HS2ST1: variants seen among roughly 807,000 people sequenced by gnomAD.
HS2ST1 encodes heparan sulfate 2-O-sulfotransferase 1, also known as 2-O-sulfotransferase.
HS2ST1 carries 18 observed loss-of-function variants against 42.9 expected under a neutral mutation model. That is an observed-to-expected ratio of 0.42 (90% CI 0.29 to 0.62). HS2ST1 has a LOEUF of 0.62. HS2ST1 is among the 20% of genes least tolerant of loss of function. The pLI is 0.21. For synonymous variants in HS2ST1, 146 were observed against 152.9 expected (o/e 0.95, Z 0.33); for missense variants, 334 against 433.8 (o/e 0.77, Z 2.04).
chr1:87,038,739 T>C (rs1650446255), intron 1 of HS2ST1, among the ~76,000 whole-genome samples: 1 of 152,150 alleles, frequency 6.6e-6, no homozygotes, highest in Non-Finnish European at 1.5e-5. Flanking sequence ...AACTTACATA[T>C]ACGTGAAGTG....
chr1:87,096,117 T>C lies in HS2ST1; in HGVS notation c.589-1721T>C, dbSNP rs372506636. Among the ~76,000 whole-genome samples, 24 of 152,282 alleles carry C rather than the reference T, an allele frequency of 1.6e-4. No individual in the cohort carries two copies. In the South Asian group the frequency reaches 3.5e-3, roughly 22 times the overall value. ...GAGGAAATCCAGCTTCACACAGATA[T>C]ATAATTAGAAAAGAGAGGATTTTAA... On this transcript the variant is annotated intron_variant, in intron 4 of 6. Coordinates refer to ENST00000370550, the MANE Select transcript of HS2ST1 (RefSeq NM_012262.4).
At chr1:86,954,974 T>C (rs1171418501) in intron 1 of HS2ST1, among the ~76,000 whole-genome samples, 1 of 152,134 alleles carries the variant, frequency 6.6e-6, no homozygotes, top group African/African-American at 2.4e-5. Flanking sequence ...GGCTCATCCC[T>C]GTAGTCCCAG....
chr1:87,019,895 A>G (rs535532993), intron 1 of HS2ST1, among the ~76,000 whole-genome samples: 1 of 152,354 alleles, frequency 6.6e-6, no homozygotes, highest in South Asian at 2.1e-4. Context: ...TGTGCTGTCA[A>G]CAATAAAAAC....
chr1:86,982,395 C>T (rs190162039), intron 1 of HS2ST1, among the ~76,000 whole-genome samples: 5 of 152,326 alleles, frequency 3.3e-5, no homozygotes, highest in East Asian at 3.9e-4. Context: ...TCTTTTCTAC[C>T]ACAAGTCAGG....
intron 1 of HS2ST1, among the ~76,000 whole-genome samples, chr1:87,008,265 AG>A (rs1283864351): frequency 2.0e-5 from 3 of 152,202 alleles, no homozygotes; most frequent in African/African-American, 7.2e-5. Context: ...AGAAAAGTCC[AG>A]TAGGTTATAC....
intron 1 of HS2ST1, among the ~76,000 whole-genome samples, chr1:87,068,864 A>T (rs190868081): frequency 1.3e-5 from 2 of 151,740 alleles, no homozygotes; most frequent in Non-Finnish European, 2.9e-5. Context: ...TTTATTTAAA[A>T]TTTTTTTTTA....
chr1:87,056,925 AAG>A (rs1553141027), intron 1 of HS2ST1, among the ~76,000 whole-genome samples: 1 of 152,176 alleles, frequency 6.6e-6, no homozygotes, highest in Non-Finnish European at 1.5e-5. Flanking sequence ...AGAATTGAAA[AAG>A]AATATTTCCA....
intron 1 of HS2ST1, among the ~76,000 whole-genome samples, chr1:86,929,374 G>T (rs887371241): frequency 6.6e-6 from 1 of 151,774 alleles, no homozygotes; most frequent in Non-Finnish European, 1.5e-5. Flanking sequence ...ATGAGTTATA[G>T]ATTTGACATT....
At chr1:87,027,885 T>C (rs1466294612) in intron 1 of HS2ST1, among the ~76,000 whole-genome samples, 2 of 152,196 alleles carry the variant, frequency 1.3e-5, no homozygotes, top group Non-Finnish European at 2.9e-5. Flanking sequence ...AGATGGGGTT[T>C]CACCATGTTG....
intron 2 of HS2ST1, among the ~76,000 whole-genome samples, chr1:87,076,993 T>C (rs1469988464): frequency 1.3e-5 from 2 of 152,216 alleles, no homozygotes; most frequent in Non-Finnish European, 2.9e-5. Flanking sequence ...AGCAGCACTT[T>C]AGATGAATTT....
chr1:87,003,381 T>C (rs1011630968), intron 1 of HS2ST1, among the ~76,000 whole-genome samples: 14 of 152,210 alleles, frequency 9.2e-5, no homozygotes, highest in African/African-American at 2.7e-4. Flanking sequence ...TAAAAAATAA[T>C]TTTTGAATGT....
intron 1 of HS2ST1, chr1:87,046,668 G>T: frequency 1.3e-6 from 2 of 1,500,436 alleles, no homozygotes; most frequent in South Asian, 1.3e-5. Context: ...CCCCAGTTAG[G>T]CCTGAAAGAC....
At chr1:87,066,554 A>T (rs999808033) in intron 1 of HS2ST1, among the ~76,000 whole-genome samples, 5 of 152,114 alleles carry the variant, frequency 3.3e-5, no homozygotes, top group African/African-American at 9.7e-5. Context: ...CAACTTTTTT[A>T]AAAAATTTTT....
intron 4 of HS2ST1, among the ~76,000 whole-genome samples, chr1:87,095,693 C>G (rs1652044840): frequency 6.6e-6 from 1 of 152,104 alleles, no homozygotes; most frequent in Non-Finnish European, 1.5e-5. Context: ...TCCTTTTATA[C>G]TCTTAAAAAT....
intron 1 of HS2ST1, among the ~76,000 whole-genome samples, chr1:86,940,083 G>A (rs1318649173): frequency 6.6e-6 from 1 of 152,036 alleles, no homozygotes. Context: ...ACTGAAATAG[G>A]CTTGGTACAG....
At chr1:86,981,216 T>A (rs1648582220) in intron 1 of HS2ST1, among the ~76,000 whole-genome samples, 1 of 152,146 alleles carries the variant, frequency 6.6e-6, no homozygotes, top group African/African-American at 2.4e-5. Context: ...CCTCAACATG[T>A]GGGGATTACA....
Position 87,037,884 on chromosome 1 carries a change from CAG to C in HS2ST1, c.125-35048_125-35047del, listed in dbSNP as rs1247382267. 6.6e-5 allele frequency among the ~76,000 whole-genome samples: 10 copies of C among 152,018 alleles called. No homozygotes were observed. The South Asian group carries it at 2.1e-3, about 31-fold the overall frequency. On this transcript the variant is annotated intron_variant, in intron 1 of 6. Transcript: ENST00000370550. ...GCATATATCTATAATATATCTCTAA[CAG>C]ATTTTAGATTGTCTGCAGTTATGAG...
intron 1 of HS2ST1, among the ~76,000 whole-genome samples, chr1:86,945,913 A>G (rs1647319362): frequency 6.6e-6 from 1 of 152,164 alleles, no homozygotes. Context: ...TATAAAAATA[A>G]AAATAAAATA....
intron 1 of HS2ST1, among the ~76,000 whole-genome samples, chr1:86,936,632 G>T (rs1660658132): frequency 6.6e-6 from 1 of 152,098 alleles, no homozygotes; most frequent in African/African-American, 2.4e-5. Flanking sequence ...ATTTGTTCAA[G>T]GTCACATAGT....
Sources: allele counts gnomAD v4.1 joint callset (sites outside exome capture counted in the v4.1 genomes callset), GRCh38; gene constraint gnomAD v4.1.1; transcripts MANE v1.5; gene names NCBI Gene and HGNC (gene_info 2026-07-23, HGNC 2026-07-21).